Variants in HIVEP2 observed in about 807,000 individuals in gnomAD.
HIVEP2 encodes transcription factor HIVEP2.
Under a neutral mutation model 180.7 loss-of-function variants are expected in HIVEP2, and 14 were observed. The observed-to-expected ratio is 0.08, with a 90% confidence interval of 0.05 to 0.12. The LOEUF (loss-of-function observed/expected upper bound fraction) is 0.12, where lower values mean the gene tolerates loss of function less well. Among genes scored for constraint, HIVEP2 ranks in the 10% least tolerant of loss-of-function variants. The probability of loss-of-function intolerance (pLI) is 1.00; values close to 1 mark genes in which losing one functional copy is unlikely to be tolerated. For synonymous variants in HIVEP2, 1,184 were observed against 1,136.4 expected (o/e 1.04, Z -0.84); for missense variants, 2,579 against 3,008.5 (o/e 0.86, Z 3.34).
At chr6:142,894,736 T>A (rs1435473917) in intron 1 of HIVEP2, among the ~76,000 whole-genome samples, 1 of 152,162 alleles carries the variant, frequency 6.6e-6, no homozygotes, top group Non-Finnish European at 1.5e-5. Context: ...ATTTTACAGA[T>A]GAGGAAACTA....
chr6:142,877,904 G>A (rs1044018046), intron 1 of HIVEP2, among the ~76,000 whole-genome samples: 15 of 152,132 alleles, frequency 9.9e-5, no homozygotes, highest in African/African-American at 2.2e-4. Context: ...TTGCTTGATC[G>A]TGGAAATGCA....
rs1231946543 is a variant in HIVEP2 at position 142,772,347 on chromosome 6, C to T, written c.2392G>A (p.Val798Met). Residue 798 changes from valine (V) to methionine (M), a missense_variant, in exon 5 of 10, where the codon GTG becomes ATG. By Grantham distance (21) the Val-to-Met change is conservative. Coordinates refer to ENST00000367603, the MANE Select transcript of HIVEP2 (RefSeq NM_006734.4). The surrounding 1 kb of genome is among the most constrained non-coding windows in gnomAD (Gnocchi z 4.9). The part of the protein sequence containing the change: ...DLGGRKPPGN[V>M]ISVIQHTNSL... ...TTGGTGTGCTGAATCACAGAAATCA[C>T]ATTTCCAGGAGGTTTCCTGCCCCCT... 6.2e-7 allele frequency: 1 copy of T among 1,614,256 alleles called. No homozygotes were observed. The highest frequency in any genetic ancestry group is 1.1e-5 in the South Asian group (1 of 91,088).
chr6:142,917,768 A>G (rs1279724504), intron 1 of HIVEP2, among the ~76,000 whole-genome samples: 1 of 152,042 alleles, frequency 6.6e-6, no homozygotes, highest in African/African-American at 2.4e-5. Context: ...CAAAATCATA[A>G]TATGCTTCTG....
intron 1 of HIVEP2, among the ~76,000 whole-genome samples, chr6:142,925,965 A>G (rs1321381177): frequency 6.6e-6 from 1 of 152,240 alleles, no homozygotes; most frequent in Admixed American, 6.5e-5. Context: ...TCATGAGTCA[A>G]CCAGGGACGT....
At chr6:142,877,433 C>T (rs1197143132) in intron 1 of HIVEP2, among the ~76,000 whole-genome samples, 1 of 152,034 alleles carries the variant, frequency 6.6e-6, no homozygotes, top group Non-Finnish European at 1.5e-5. Context: ...ATTTAATTCC[C>T]CAGAAAGTAA....
chr6:142,874,342 T>C (rs1776371194), intron 1 of HIVEP2, among the ~76,000 whole-genome samples: 2 of 152,164 alleles, frequency 1.3e-5, no homozygotes, highest in African/African-American at 4.8e-5. Flanking sequence ...GATTTTTTTT[T>C]CTCCAGCTCA....
intron 1 of HIVEP2, among the ~76,000 whole-genome samples, chr6:142,896,858 T>C (rs1252820652): frequency 6.6e-6 from 1 of 152,142 alleles, no homozygotes; most frequent in East Asian, 1.9e-4. Context: ...GGTCAGCACA[T>C]ATAAACAGGT....
chr6:142,824,366 GA>G (rs1333357108), intron 2 of HIVEP2, among the ~76,000 whole-genome samples: 1 of 152,148 alleles, frequency 6.6e-6, no homozygotes, highest in African/African-American at 2.4e-5. Flanking sequence ...AAATGAGCCA[GA>G]AAATTATTCT....
intron 2 of HIVEP2, among the ~76,000 whole-genome samples, chr6:142,784,017 A>G (rs1374950268): frequency 6.6e-6 from 1 of 152,222 alleles, no homozygotes; most frequent in African/African-American, 2.4e-5. Context: ...TTGTTTCTAT[A>G]GTTTATTTCA....
intron 1 of HIVEP2, among the ~76,000 whole-genome samples, chr6:142,837,813 T>TGAAA (rs1420787142): frequency 6.6e-6 from 1 of 151,952 alleles, no homozygotes; most frequent in Non-Finnish European, 1.5e-5. Context: ...TGCTAGAGGG[T>TGAAA]TGAGCAGAAG....
intron 2 of HIVEP2, among the ~76,000 whole-genome samples, chr6:142,826,392 G>A (rs1357411624): frequency 6.6e-6 from 1 of 152,080 alleles, no homozygotes; most frequent in Admixed American, 6.5e-5. Flanking sequence ...TCACAATTCC[G>A]ACCATGATCA....
intron 1 of HIVEP2, among the ~76,000 whole-genome samples, chr6:142,897,728 A>G (rs1005933728): frequency 6.6e-6 from 1 of 152,236 alleles, no homozygotes; most frequent in African/African-American, 2.4e-5. Context: ...ATGTGCTCTC[A>G]GAATGCTGAT....
At chr6:142,808,462 A>C (rs1332886146) in intron 2 of HIVEP2, among the ~76,000 whole-genome samples, 3 of 150,202 alleles carry the variant, frequency 2.0e-5, no homozygotes, top group Non-Finnish European at 4.4e-5. Flanking sequence ...GGATGGAGGG[A>C]AGAGAGAGAT....
chr6:142,905,902 C>A (rs528436668), intron 1 of HIVEP2, among the ~76,000 whole-genome samples: 2 of 152,084 alleles, frequency 1.3e-5, no homozygotes, highest in South Asian at 2.1e-4. Context: ...GAGGCCGAGG[C>A]GGGGGCGGAC....
intron 1 of HIVEP2, among the ~76,000 whole-genome samples, chr6:142,923,383 T>C (rs1356169756): frequency 1.3e-5 from 2 of 151,930 alleles, no homozygotes; most frequent in Admixed American, 6.6e-5. Flanking sequence ...AAGATAAGCA[T>C]GAACCAAAAT....
chr6:142,842,717 C>T (rs1312730354), intron 1 of HIVEP2, among the ~76,000 whole-genome samples: 1 of 151,528 alleles, frequency 6.6e-6, no homozygotes, highest in Non-Finnish European at 1.5e-5. Flanking sequence ...AAATAGCAAG[C>T]TGAGTGGGTG....
intron 2 of HIVEP2, among the ~76,000 whole-genome samples, chr6:142,817,751 C>T (rs1022787111): frequency 2.6e-5 from 4 of 152,268 alleles, no homozygotes; most frequent in Middle Eastern, 6.8e-3. Context: ...GGTAGGATGG[C>T]TCACACCTGC....
chr6:142,865,947 T>A (rs1776128552), intron 1 of HIVEP2, among the ~76,000 whole-genome samples: 1 of 152,182 alleles, frequency 6.6e-6, no homozygotes, highest in African/African-American at 2.4e-5. Context: ...CACAGACTTT[T>A]GAGGATCAGA....
intron 1 of HIVEP2, among the ~76,000 whole-genome samples, chr6:142,866,482 T>G (rs1055087050): frequency 1.3e-5 from 2 of 152,082 alleles, no homozygotes; most frequent in African/African-American, 4.8e-5. Context: ...CTGTGAAATT[T>G]TCTTGTAGCG....
Sources: gnomAD v4.1 joint callset for allele counts (sites outside exome capture counted in the v4.1 genomes callset) on GRCh38, gnomAD v4.1.1 for gene constraint, Gnocchi (gnomAD v3.1) non-coding constraint, MANE v1.5 for transcripts, NCBI Gene and HGNC (gene_info 2026-07-23, HGNC 2026-07-21) for gene names.